The following PCBP3 variants were observed in gnomAD, a reference collection of about 807,000 sequenced individuals.
PCBP3 encodes poly(rC)-binding protein 3.
Under a neutral mutation model 52.7 loss-of-function variants are expected in PCBP3, and 25 were observed. The ratio of observed to expected loss-of-function variants is 0.47; its 90% CI spans 0.35 to 0.66. The LOEUF is 0.66. Ranked by LOEUF, PCBP3 falls within the 30% of genes least tolerant of loss-of-function variation. PCBP3 has a pLI of 0.01. For synonymous variants in PCBP3, 162 were observed against 183.0 expected (o/e 0.89, Z 0.93); for missense variants, 391 against 490.3 (o/e 0.80, Z 1.91).
At chr21:45,676,153 C>T (rs1272266804) in intron 2 of PCBP3, among the ~76,000 whole-genome samples, 1 of 152,126 alleles carries the variant, frequency 6.6e-6, no homozygotes, top group East Asian at 1.9e-4. Context: ...GACAGACAAA[C>T]CATGGTTATT....
Position 45,840,180 on chromosome 21 carries a change from CG to C in PCBP3, c.-125-9779del, listed in dbSNP as rs1313610838. On this transcript the variant is annotated intron_variant, in intron 4 of 17. Coordinates refer to ENST00000681687, the MANE Select transcript of PCBP3 (RefSeq NM_001384156.1). ...TAAAAATGTTACAGTAGGCTGGGCA[CG>C]GTGGCTCACTCCTGTAATCCCAGCA... 4.6e-5 allele frequency among the ~76,000 whole-genome samples: 7 copies of C among 151,562 alleles called. No individual in the cohort carries two copies. The East Asian group carries it at 1.4e-3, about 30-fold the overall frequency.
At chr21:45,682,209 A>C (rs1346379980) in intron 2 of PCBP3, among the ~76,000 whole-genome samples, 1 of 152,146 alleles carries the variant, frequency 6.6e-6, no homozygotes, top group Non-Finnish European at 1.5e-5. Flanking sequence ...CCTCCCACCC[A>C]ACATCCATTC....
chr21:45,898,487 C>T (rs1428260214), intron 6 of PCBP3, among the ~76,000 whole-genome samples: 1 of 151,846 alleles, frequency 6.6e-6, no homozygotes, highest in Non-Finnish European at 1.5e-5. Context: ...TTCCACAGAC[C>T]CCTCTGCTCG....
chr21:45,774,116 T>G (rs1698995842), intron 4 of PCBP3, among the ~76,000 whole-genome samples: 1 of 152,060 alleles, frequency 6.6e-6, no homozygotes, highest in African/African-American at 2.4e-5. Flanking sequence ...ATCTAAAAGT[T>G]TTATGGGGCC....
intron 4 of PCBP3, among the ~76,000 whole-genome samples, chr21:45,795,452 A>C (rs1449086044): frequency 6.6e-6 from 1 of 152,160 alleles, no homozygotes; most frequent in Admixed American, 6.5e-5. Context: ...AAAGTGCAGT[A>C]AAAGTGGAAA....
intron 2 of PCBP3, among the ~76,000 whole-genome samples, chr21:45,671,594 A>G (rs143473549): frequency 3.9e-5 from 6 of 152,292 alleles, no homozygotes; most frequent in African/African-American, 9.6e-5. Flanking sequence ...TCACCTGGGA[A>G]CCATGGGGTG....
At chr21:45,927,330 A>C (rs534343213) in intron 13 of PCBP3, among the ~76,000 whole-genome samples, 2 of 2,916 alleles carry the variant, frequency 6.9e-4, no homozygotes, top group East Asian at 0.012. Context: ...CTCCCCCTAC[A>C]TCCTCCCCTC....
rs548084814 is a variant in PCBP3 at position 45,802,792 on chromosome 21, G to A, written c.-125-47169G>A. On this transcript the variant is annotated intron_variant, in intron 4 of 17. Transcript: ENST00000681687. The surrounding 1 kb of genome is among the most constrained non-coding windows in gnomAD (Gnocchi z 5.1). ...GCTGGGAGGAGGCAGGGATGGGAAG[G>A]GTCCCCGAGGGCCCTGAGCAGGGCT... 3.6e-4 allele frequency among the ~76,000 whole-genome samples: 55 copies of A among 152,274 alleles called. No individual in the cohort carries two copies. The highest frequency in any genetic ancestry group is 1.3e-3 in the African/African-American group (54 of 41,570).
At position 45,821,578 on chromosome 21, in the gene PCBP3, A is replaced by G. The variant is rs1031665605; in HGVS notation, c.-125-28383A>G. Among the ~76,000 whole-genome samples the G allele has an allele frequency of 4.6e-5, 7 of 150,738 alleles. No homozygotes were observed. Among genetic ancestry groups the G allele is most frequent in the Admixed American group, 2.0e-4 (3 of 15,152 alleles). On this transcript the variant is annotated intron_variant, in intron 4 of 17. Transcript: ENST00000681687. This position sits in a 1 kb window ranked among gnomAD's most constrained non-coding sequence, Gnocchi z 4.4. The stretch of plus-strand genomic sequence containing the variant: ...GCTGTGGGCCCCGCCCCCTCCCCTA[A>G]CTCATTTCTAGAACTCTCTTCCTCA...
intron 4 of PCBP3, among the ~76,000 whole-genome samples, chr21:45,764,710 A>G (rs2089124119): frequency 6.6e-6 from 1 of 152,226 alleles, no homozygotes; most frequent in Non-Finnish European, 1.5e-5. Flanking sequence ...AGTGTTTTCA[A>G]GCTTTTAATT....
At chr21:45,850,988 A>G (rs1158210714) in intron 5 of PCBP3, among the ~76,000 whole-genome samples, 6 of 152,258 alleles carry the variant, frequency 3.9e-5, no homozygotes, top group African/African-American at 7.2e-5. Context: ...GAGGCAGTAT[A>G]TGTCCAAATT....
chr21:45,824,573 G>A (rs905194229), intron 4 of PCBP3, among the ~76,000 whole-genome samples: 16 of 152,216 alleles, frequency 1.1e-4, no homozygotes, highest in African/African-American at 3.1e-4. Context: ...CTCTGCTTCC[G>A]CAACAGCGGT....
chr21:45,931,418 C>G (rs1209106072), intron 15 of PCBP3, among the ~76,000 whole-genome samples: 1 of 152,250 alleles, frequency 6.6e-6, no homozygotes, highest in Non-Finnish European at 1.5e-5. Context: ...TGTAATGACC[C>G]TCCCCTCACC....
intron 6 of PCBP3, 52 bp downstream of exon 6, chr21:45,896,414 A>G (rs2095826729): frequency 6.6e-7 from 1 of 1,517,080 alleles, no homozygotes; most frequent in Non-Finnish European, 8.9e-7. Flanking sequence ...GGCAGACAGA[A>G]CCAGAGATGC....
intron 2 of PCBP3, among the ~76,000 whole-genome samples, chr21:45,718,587 A>AG (rs1325781476): frequency 6.6e-6 from 1 of 151,980 alleles, no homozygotes; most frequent in Non-Finnish European, 1.5e-5. Flanking sequence ...AGGGGATGGA[A>AG]GTAGGGTAAG....
intron 5 of PCBP3, among the ~76,000 whole-genome samples, chr21:45,875,603 G>A (rs1220404423): frequency 1.3e-5 from 2 of 152,180 alleles, no homozygotes; most frequent in Non-Finnish European, 1.5e-5. Flanking sequence ...CTTCCCCCAG[G>A]GGTCTTGGGA....
chr21:45,890,706 C>A (rs548710011), intron 5 of PCBP3, among the ~76,000 whole-genome samples: 1 of 148,724 alleles, frequency 6.7e-6, no homozygotes, highest in Non-Finnish European at 1.5e-5. Context: ...ATAATAGAAC[C>A]TGGAACTCTG....
intron 13 of PCBP3, among the ~76,000 whole-genome samples, chr21:45,927,494 C>G (rs999368933): frequency 3.3e-5 from 5 of 150,038 alleles, no homozygotes; most frequent in Non-Finnish European, 7.4e-5. Context: ...GTCCTGTTCT[C>G]TCCTTTAAAA....
chr21:45,773,803 T>C (rs989562068), intron 4 of PCBP3, among the ~76,000 whole-genome samples: 1 of 152,226 alleles, frequency 6.6e-6, no homozygotes, highest in Non-Finnish European at 1.5e-5. Flanking sequence ...GGGCTTGCAT[T>C]GAATCTGTAG....
Sources: allele counts gnomAD v4.1 joint callset (sites outside exome capture counted in the v4.1 genomes callset), GRCh38; gene constraint gnomAD v4.1.1; non-coding constraint Gnocchi (gnomAD v3.1); transcripts MANE v1.5; gene names NCBI Gene and HGNC (gene_info 2026-07-23, HGNC 2026-07-21).